Variants in RBFOX1 observed in about 807,000 individuals in gnomAD.
RBFOX1 encodes the protein RNA binding protein fox-1 homolog 1.
A neutral mutation model predicts 57.7 loss-of-function variants in RBFOX1; 8 were observed. That is an observed-to-expected ratio of 0.14 (90% CI 0.08 to 0.25). RBFOX1 has a LOEUF of 0.25. RBFOX1 is among the 10% of genes least tolerant of loss of function. The probability of loss-of-function intolerance (pLI) is 1.00; values close to 1 mark genes in which losing one functional copy is unlikely to be tolerated. For synonymous variants in RBFOX1, 326 were observed against 222.4 expected (o/e 1.47, Z -4.15); for missense variants, 611 against 548.5 (o/e 1.11, Z -1.14).
At chr16:5,490,232 C>G (rs1178952680) in intron 2 of RBFOX1, among the ~76,000 whole-genome samples, 2 of 152,242 alleles carry the variant, frequency 1.3e-5, no homozygotes, top group Non-Finnish European at 2.9e-5. Flanking sequence ...GGAAGGGCTA[C>G]AACTACCAGT....
intron 2 of RBFOX1, among the ~76,000 whole-genome samples, chr16:5,468,792 C>A (rs537813572): frequency 6.6e-6 from 1 of 152,194 alleles, no homozygotes; most frequent in Non-Finnish European, 1.5e-5. Flanking sequence ...TGACCTGGAT[C>A]CTCTCTGTGC....
intron 3 of RBFOX1, among the ~76,000 whole-genome samples, chr16:6,892,773 TCCCTCTCTCTC>T: frequency 1.6e-5 from 1 of 63,204 alleles, no homozygotes; most frequent in African/African-American, 5.8e-5. Context: ...CCTCCCTGTC[TCCCTCTCTCTC>T]TCTCTCTCTC....
intron 4 of RBFOX1, among the ~76,000 whole-genome samples, chr16:7,382,213 C>T (rs1016157890): frequency 6.6e-6 from 1 of 152,118 alleles, no homozygotes; most frequent in Non-Finnish European, 1.5e-5. Flanking sequence ...TTTCAGTAAA[C>T]TAATTAAACT....
chr16:7,351,491 A>G (rs541795167), intron 4 of RBFOX1, among the ~76,000 whole-genome samples: 2 of 152,250 alleles, frequency 1.3e-5, no homozygotes, highest in African/African-American at 2.4e-5. Flanking sequence ...AATAACTACC[A>G]TAATGTATAT....
chr16:7,236,863 A>G (rs1193934515), intron 4 of RBFOX1, among the ~76,000 whole-genome samples: 1 of 152,078 alleles, frequency 6.6e-6, no homozygotes, highest in South Asian at 2.1e-4. Flanking sequence ...AGCACGCAGG[A>G]TTTAGTTCAC....
chr16:5,557,901 G>C (rs547041013), intron 2 of RBFOX1, among the ~76,000 whole-genome samples: 1 of 152,204 alleles, frequency 6.6e-6, no homozygotes, highest in Non-Finnish European at 1.5e-5. Flanking sequence ...AACAGCTGAA[G>C]GTCAGAACCA....
rs116835217 is a variant in RBFOX1, at chr16:6,834,842, G to C, written c.-16+180192G>C. Among the ~76,000 whole-genome samples the C allele has an allele frequency of 1.9e-3, 291 of 151,020 alleles. 1 individual carries two copies. Among genetic ancestry groups the C allele is most frequent in the African/African-American group, 6.6e-3 (273 of 41,108 alleles). On this transcript the variant is annotated intron_variant, in intron 3 of 15. Transcript: ENST00000550418. ...AATGTGTTTGTGACTTTGTCCATCT[G>C]GAAGTCAAGTTCATTTTGGCCAATT...
intron 2 of RBFOX1, among the ~76,000 whole-genome samples, chr16:6,644,726 T>A (rs1406796594): frequency 6.6e-6 from 1 of 152,178 alleles, no homozygotes; most frequent in Non-Finnish European, 1.5e-5. Context: ...TCAGGGGCTG[T>A]ATTGTGGAAA....
At chr16:6,914,172 G>A (rs1288567775) in intron 3 of RBFOX1, among the ~76,000 whole-genome samples, 1 of 152,138 alleles carries the variant, frequency 6.6e-6, no homozygotes, top group Non-Finnish European at 1.5e-5. Flanking sequence ...TCTGATTTCA[G>A]ACCAGATCAT....
At chr16:6,761,020 C>G (rs1447325033) in intron 3 of RBFOX1, among the ~76,000 whole-genome samples, 1 of 152,134 alleles carries the variant, frequency 6.6e-6, no homozygotes, top group Non-Finnish European at 1.5e-5. Context: ...AAGAAAATAC[C>G]AAACAGAACA....
At chr16:7,057,533 G>C (rs1190892304) in intron 4 of RBFOX1, among the ~76,000 whole-genome samples, 1 of 152,178 alleles carries the variant, frequency 6.6e-6, no homozygotes, top group African/African-American at 2.4e-5. Flanking sequence ...CTAACCATCA[G>C]TGCATCCTCG....
At chr16:7,664,866 TG>T in intron 12 of RBFOX1, 62 bp from the exon 13 acceptor site, 1 of 1,613,720 alleles carries the variant, frequency 6.2e-7, no homozygotes. Flanking sequence ...GTGCAGGGGT[TG>T]GTGTGTCTGC....
intron 2 of RBFOX1, among the ~76,000 whole-genome samples, chr16:5,561,230 ACT>A (rs1256957525): frequency 6.6e-6 from 1 of 151,900 alleles, no homozygotes; most frequent in Non-Finnish European, 1.5e-5. Context: ...ATATGAGCAG[ACT>A]CTATTATGGC....
chr16:5,817,518 C>G (rs2055686081), intron 3 of RBFOX1, among the ~76,000 whole-genome samples: 1 of 152,020 alleles, frequency 6.6e-6, no homozygotes, highest in African/African-American at 2.4e-5. Flanking sequence ...ATTCTCATAG[C>G]TCAGGGAACA....
At chr16:6,145,335 CTCCA>C (rs1567555914) in intron 1 of RBFOX1, among the ~76,000 whole-genome samples, 3 of 152,108 alleles carry the variant, frequency 2.0e-5, no homozygotes, top group Non-Finnish European at 4.4e-5. Flanking sequence ...AGGCCTCCAA[CTCCA>C]TCCATGTCCC....
chr16:6,940,345 A>G (rs1437468312), intron 3 of RBFOX1, among the ~76,000 whole-genome samples: 2 of 152,216 alleles, frequency 1.3e-5, no homozygotes, highest in Non-Finnish European at 2.9e-5. Flanking sequence ...GCTTAAAAGC[A>G]AAAGCTCAAA....
intron 4 of RBFOX1, among the ~76,000 whole-genome samples, chr16:7,197,477 A>G (rs1225995692): frequency 6.6e-6 from 1 of 150,890 alleles, no homozygotes; most frequent in Non-Finnish European, 1.5e-5. Flanking sequence ...AAGCTGTGAT[A>G]CTGCAGAATT....
At chr16:5,771,041 A>T (rs1301203046) in intron 3 of RBFOX1, among the ~76,000 whole-genome samples, 2 of 152,108 alleles carry the variant, frequency 1.3e-5, no homozygotes, top group African/African-American at 4.8e-5. Context: ...CCTGGAGGAG[A>T]CGCAAAACCT....
chr16:6,592,864 CAG>C, intron 2 of RBFOX1, among the ~76,000 whole-genome samples: 1 of 152,204 alleles, frequency 6.6e-6, no homozygotes. Flanking sequence ...GTTTTTTTCT[CAG>C]GGGTTTCTTG....
Sources: gnomAD v4.1 joint callset for allele counts (sites outside exome capture counted in the v4.1 genomes callset) on GRCh38, gnomAD v4.1.1 for gene constraint, MANE v1.5 for transcripts, NCBI Gene and HGNC (gene_info 2026-07-23, HGNC 2026-07-21) for gene names.